SIL1: variants seen among roughly 807,000 people sequenced by gnomAD.
SIL1 encodes nucleotide exchange factor SIL1.
SIL1 carries 40 observed loss-of-function variants against 49.1 expected under a neutral mutation model. The observed-to-expected ratio is 0.81, with a 90% CI of 0.63 to 1.06. The LOEUF (loss-of-function observed/expected upper bound fraction) is 1.06, where lower values mean the gene tolerates loss of function less well. Among genes scored for constraint, SIL1 ranks in the 50% least tolerant of loss-of-function variants. SIL1 has a pLI of 0.00. For missense variants in SIL1, 500 were observed against 572.6 expected, an observed-to-expected ratio of 0.87 and a Z score of 1.29; for synonymous variants, 253 against 250.8, an observed-to-expected ratio of 1.01 and a Z score of -0.08.
chr5:139,119,145 G>C (rs772879701), intron 3 of SIL1, among the ~76,000 whole-genome samples: 18 of 152,186 alleles, frequency 1.2e-4, no homozygotes, highest in Non-Finnish European at 2.1e-4. Flanking sequence ...GAAACATCAA[G>C]TTAACTGTAA....
chr5:139,170,082 T>C (rs940691144), intron 1 of SIL1, among the ~76,000 whole-genome samples: 6 of 152,230 alleles, frequency 3.9e-5, no homozygotes, highest in African/African-American at 1.2e-4. Context: ...TTGGCCGGGC[T>C]GGTCTCCAGC....
intron 6 of SIL1, 58 bp downstream of exon 6, chr5:139,026,743 G>T: frequency 6.7e-7 from 1 of 1,483,404 alleles, no homozygotes; most frequent in Non-Finnish European, 9.4e-7. Context: ...GCTTAGGGAA[G>T]GGGGATTTAT....
At chr5:139,057,384 C>T (rs570451617) in intron 3 of SIL1, among the ~76,000 whole-genome samples, 8 of 151,480 alleles carry the variant, frequency 5.3e-5, no homozygotes, top group Admixed American at 2.0e-4. Flanking sequence ...GAGACACCCA[C>T]GGAGAAGAAA....
intron 1 of SIL1, among the ~76,000 whole-genome samples, chr5:139,195,018 C>T (rs757811306): frequency 5.9e-5 from 9 of 151,794 alleles, no homozygotes; most frequent in African/African-American, 9.7e-5. Flanking sequence ...TTGCAACCTC[C>T]GCCTCCCGAG....
intron 1 of SIL1, among the ~76,000 whole-genome samples, chr5:139,188,811 G>C (rs1581160704): frequency 6.6e-6 from 1 of 152,332 alleles, no homozygotes; most frequent in Admixed American, 6.5e-5. Flanking sequence ...GGACTAGCCA[G>C]CCCTACCCCA....
chr5:139,116,467 G>C (rs1467098296), intron 3 of SIL1, among the ~76,000 whole-genome samples: 1 of 152,234 alleles, frequency 6.6e-6, no homozygotes, highest in East Asian at 1.9e-4. Flanking sequence ...GTCTGCTCCT[G>C]GCTGGCTACG....
At chr5:139,094,987 G>A (rs1285443420) in intron 3 of SIL1, among the ~76,000 whole-genome samples, 1 of 151,964 alleles carries the variant, frequency 6.6e-6, no homozygotes, top group Non-Finnish European at 1.5e-5. Context: ...GGGGTCGTTG[G>A]TTTTGAGGAA....
chr5:139,152,044 G>A (rs1330856171), intron 1 of SIL1, among the ~76,000 whole-genome samples: 1 of 152,236 alleles, frequency 6.6e-6, no homozygotes, highest in Non-Finnish European at 1.5e-5. Context: ...TTAAGCTGCT[G>A]CAAAGAGGCT....
intron 1 of SIL1, among the ~76,000 whole-genome samples, chr5:139,172,483 A>G (rs1282282033): frequency 6.6e-6 from 1 of 152,052 alleles, no homozygotes; most frequent in East Asian, 1.9e-4. Flanking sequence ...AATACAAAAA[A>G]TTAGCTGGGC....
At chr5:139,134,508 T>G in intron 1 of SIL1, among the ~76,000 whole-genome samples, 1 of 152,130 alleles carries the variant, frequency 6.6e-6, no homozygotes, top group Non-Finnish European at 1.5e-5. Flanking sequence ...GCCAGGCAAC[T>G]ACTCTCCAAA....
intron 7 of SIL1, among the ~76,000 whole-genome samples, chr5:138,967,877 G>A (rs1488964727): frequency 6.6e-6 from 1 of 152,064 alleles, no homozygotes; most frequent in African/African-American, 2.4e-5. Context: ...CTGCTTGCTG[G>A]AATGAGGAGA....
chr5:139,004,888 C>T (rs1581022297), intron 7 of SIL1, among the ~76,000 whole-genome samples: 1 of 152,020 alleles, frequency 6.6e-6, no homozygotes, highest in African/African-American at 2.4e-5. Flanking sequence ...CTTGTGCATA[C>T]GTGGAATCTA....
intron 3 of SIL1, among the ~76,000 whole-genome samples, chr5:139,109,067 A>G (rs1770788214): frequency 6.6e-6 from 1 of 152,162 alleles, no homozygotes; most frequent in African/African-American, 2.4e-5. Flanking sequence ...ACATCCCTTA[A>G]CTTCAAAACT....
intron 4 of SIL1, among the ~76,000 whole-genome samples, chr5:139,048,367 TG>T (rs141796691): frequency 4.9e-5 from 7 of 142,662 alleles, no homozygotes; most frequent in African/African-American, 7.8e-5. Context: ...TTTTTGTTGT[TG>T]GTTTTTTTTT....
intron 7 of SIL1, among the ~76,000 whole-genome samples, chr5:139,004,607 T>C (rs995621521): frequency 1.7e-4 from 26 of 152,236 alleles, no homozygotes; most frequent in Admixed American, 1.2e-3. Context: ...ACTTAATTAC[T>C]CTTCAGCTGT....
At chr5:139,045,226 G>A (rs1041017217) in intron 4 of SIL1, among the ~76,000 whole-genome samples, 1 of 152,048 alleles carries the variant, frequency 6.6e-6, no homozygotes, top group Non-Finnish European at 1.5e-5. Context: ...GCAAGGTGGT[G>A]TGCACCTGTG....
chr5:138,965,113 G>A (rs1767109980), intron 7 of SIL1, among the ~76,000 whole-genome samples: 1 of 152,222 alleles, frequency 6.6e-6, no homozygotes, highest in Non-Finnish European at 1.5e-5. Context: ...TGCCTGGGGA[G>A]GTGGGGAAGC....
chr5:139,096,358 T>C (rs1187646490), intron 3 of SIL1, among the ~76,000 whole-genome samples: 1 of 152,146 alleles, frequency 6.6e-6, no homozygotes, highest in African/African-American at 2.4e-5. Context: ...AAAGCCTGTC[T>C]AGACCGCAAG....
chr5:139,158,884 C>T (rs1274690236), intron 1 of SIL1, among the ~76,000 whole-genome samples: 3 of 152,092 alleles, frequency 2.0e-5, no homozygotes, highest in African/African-American at 7.2e-5. Context: ...TCAAATGGGC[C>T]CCTAAAGATG....
Sources: gnomAD v4.1 joint callset for allele counts (sites outside exome capture counted in the v4.1 genomes callset) on GRCh38, gnomAD v4.1.1 for gene constraint, MANE v1.5 for transcripts, NCBI Gene and HGNC (gene_info 2026-07-23, HGNC 2026-07-21) for gene names.